Variants in SLC22A24 observed in about 807,000 individuals in gnomAD.
The protein encoded by SLC22A24 is solute carrier family 22 member 24.
A neutral mutation model predicts 49.8 loss-of-function variants in SLC22A24; 53 were observed. That is an observed-to-expected ratio of 1.06 (90% CI 0.85 to 1.34). The LOEUF (loss-of-function observed/expected upper bound fraction) is 1.34, where lower values mean the gene tolerates loss of function less well. SLC22A24 is among the 40% of genes most tolerant of loss of function. The pLI is 0.00. For synonymous variants in SLC22A24, 302 were observed against 256.4 expected, an observed-to-expected ratio of 1.18 and a Z score of -1.70; for missense variants, 786 against 675.9, an observed-to-expected ratio of 1.16 and a Z score of -1.81.
intron 6 of SLC22A24, among the ~76,000 whole-genome samples, chr11:63,091,434 C>T (rs2087019923): frequency 6.6e-6 from 1 of 152,112 alleles, no homozygotes; most frequent in Non-Finnish European, 1.5e-5. Context: ...ATACCAAAAG[C>T]TGGCAGAGAC....
At chr11:63,136,246 G>GA (rs34545716) in intron 1 of SLC22A24, among the ~76,000 whole-genome samples, 117 of 152,070 alleles carry the variant, frequency 7.7e-4, no homozygotes, top group African/African-American at 2.8e-3. Flanking sequence ...AAACTTGCAC[G>GA]AAAAAAAGGT....
chr11:63,097,207 C>G (rs887704425), intron 5 of SLC22A24, among the ~76,000 whole-genome samples: 1 of 139,144 alleles, frequency 7.2e-6, no homozygotes, highest in African/African-American at 2.6e-5. Flanking sequence ...CCAGAATCTA[C>G]AAGGAACTTA....
chr11:63,081,126 T>C lies in SLC22A24; in HGVS notation c.1395-3A>G. ...CATTGATTCCTGCAACTGTTGACCT[T>C]AGAGTGCAAATAACAATACAAAAAA... On this transcript the variant is annotated splice_polypyrimidine_tract_variant and splice_region_variant and intron_variant, in intron 8 of 9. Coordinates refer to ENST00000612278, the MANE Select transcript of SLC22A24 (RefSeq NM_001136506.2). 6.4e-7 allele frequency: 1 copy of C among 1,550,908 alleles called. No homozygotes were observed. Among genetic ancestry groups the C allele is most frequent in the East Asian group, 2.4e-5 (1 of 40,918 alleles).
chr11:63,124,958 T>A (rs1299019057), intron 2 of SLC22A24, among the ~76,000 whole-genome samples: 1 of 100,436 alleles, frequency 1.0e-5, no homozygotes, highest in Non-Finnish European at 2.0e-5. Flanking sequence ...TGTTGCGGGG[T>A]GGGGGGAGTG....
chr11:63,121,263 C>A (rs2087249658), intron 2 of SLC22A24, among the ~76,000 whole-genome samples: 1 of 152,108 alleles, frequency 6.6e-6, no homozygotes, highest in African/African-American at 2.4e-5. Context: ...ACTTTCTACT[C>A]ATTATTTCTG....
At chr11:63,138,772 G>C (rs977246898) in intron 1 of SLC22A24, among the ~76,000 whole-genome samples, 10 of 151,944 alleles carry the variant, frequency 6.6e-5, no homozygotes, top group African/African-American at 2.4e-4. Flanking sequence ...GGTGGCCTGG[G>C]TTCAATTGTT....
intron 2 of SLC22A24, among the ~76,000 whole-genome samples, chr11:63,124,315 C>G: frequency 6.6e-6 from 1 of 152,038 alleles, no homozygotes; most frequent in Non-Finnish European, 1.5e-5. Context: ...GGAAGAAAGA[C>G]AGAAAAAACT....
intron 5 of SLC22A24, among the ~76,000 whole-genome samples, chr11:63,096,553 T>C (rs1198173321): frequency 6.6e-6 from 1 of 152,196 alleles, no homozygotes; most frequent in African/African-American, 2.4e-5. Context: ...TGAGCAATTA[T>C]TCTCTAGATA....
At chr11:63,141,336 A>G (rs2087414396) in intron 1 of SLC22A24, among the ~76,000 whole-genome samples, 1 of 152,202 alleles carries the variant, frequency 6.6e-6, no homozygotes, top group South Asian at 2.1e-4. Context: ...AAATAAAAGG[A>G]GGAGAGGGAG....
chr11:63,119,699 G>A (rs941498119), intron 2 of SLC22A24, among the ~76,000 whole-genome samples: 3 of 152,290 alleles, frequency 2.0e-5, no homozygotes, highest in Admixed American at 1.3e-4. Flanking sequence ...GAGCACTGAG[G>A]AGGGAAATCC....
chr11:63,111,083 C>T (rs376289012), intron 4 of SLC22A24, among the ~76,000 whole-genome samples: 4 of 151,864 alleles, frequency 2.6e-5, no homozygotes, highest in Non-Finnish European at 5.9e-5. Flanking sequence ...TGTCAAAGGC[C>T]TTTTCTGCAT....
At chr11:63,104,551 A>T (rs940441215) in intron 4 of SLC22A24, among the ~76,000 whole-genome samples, 2 of 152,114 alleles carry the variant, frequency 1.3e-5, no homozygotes, top group Non-Finnish European at 2.9e-5. Context: ...ATAAAGACAT[A>T]CCTGAGACTG....
chr11:63,090,751 A>G (rs1388215119), intron 6 of SLC22A24, among the ~76,000 whole-genome samples: 2 of 151,944 alleles, frequency 1.3e-5, no homozygotes, highest in Non-Finnish European at 2.9e-5. Context: ...GACCCCAAGT[A>G]CCAGAATCTC....
chr11:63,106,754 T>C (rs1352196732), intron 4 of SLC22A24, among the ~76,000 whole-genome samples: 4 of 152,230 alleles, frequency 2.6e-5, no homozygotes, highest in Non-Finnish European at 5.9e-5. Context: ...TTCATATCCT[T>C]CACCCACTTT....
intron 2 of SLC22A24, among the ~76,000 whole-genome samples, chr11:63,124,121 A>C (rs1358093835): frequency 6.6e-6 from 1 of 152,180 alleles, no homozygotes; most frequent in Non-Finnish European, 1.5e-5. Context: ...AGCAAGTATA[A>C]ATGCTACATG....
intron 6 of SLC22A24, among the ~76,000 whole-genome samples, chr11:63,085,098 G>A (rs1027491950): frequency 7.2e-5 from 11 of 152,126 alleles, no homozygotes; most frequent in African/African-American, 2.7e-4. Flanking sequence ...TAGGCCCTGT[G>A]CTTTCTCATT....
chr11:63,091,428 C>A (rs1054252058), intron 6 of SLC22A24, among the ~76,000 whole-genome samples: 8 of 152,088 alleles, frequency 5.3e-5, no homozygotes, highest in Non-Finnish European at 8.8e-5. Context: ...TTCCTGATAC[C>A]AAAAGCTGGC....
intron 2 of SLC22A24, 118 bp from the exon 3 acceptor site, chr11:63,119,453 T>C (rs1159212699): frequency 4.1e-6 from 4 of 972,086 alleles, no homozygotes; most frequent in Non-Finnish European, 6.0e-6. Context: ...AACATGGTGC[T>C]TGACACCGGG....
intron 6 of SLC22A24, among the ~76,000 whole-genome samples, chr11:63,085,410 A>T (rs1360070787): frequency 6.6e-6 from 1 of 152,166 alleles, no homozygotes; most frequent in East Asian, 1.9e-4. Context: ...AATTATAGTT[A>T]CAAGTTTACT....
Sources: gnomAD v4.1 joint callset for allele counts (sites outside exome capture counted in the v4.1 genomes callset) on GRCh38, gnomAD v4.1.1 for gene constraint, MANE v1.5 for transcripts, NCBI Gene and HGNC (gene_info 2026-07-23, HGNC 2026-07-21) for gene names.